Variants in SCAPER observed in about 807,000 individuals in gnomAD.
The protein encoded by SCAPER is S phase cyclin A-associated protein in the endoplasmic reticulum.
SCAPER carries 98 observed loss-of-function variants against 182.2 expected under a neutral mutation model. The observed-to-expected ratio is 0.54, with a 90% CI of 0.46 to 0.64. SCAPER has a LOEUF of 0.64. SCAPER is among the 30% of genes least tolerant of loss of function. The pLI, the probability that SCAPER is intolerant of heterozygous loss-of-function variation, is 0.00. For missense variants in SCAPER, 1,432 were observed against 1,690.0 expected (o/e 0.85, Z 2.68); for synonymous variants, 605 against 564.6 (o/e 1.07, Z -1.01).
intron 17 of SCAPER, among the ~76,000 whole-genome samples, chr15:76,710,043 CAG>C (rs2059479764): frequency 6.6e-6 from 1 of 152,128 alleles, no homozygotes; most frequent in African/African-American, 2.4e-5. Context: ...CAAAAATCTA[CAG>C]CAAGTATCAC....
chr15:76,809,363 A>T (rs1347514791), intron 5 of SCAPER, among the ~76,000 whole-genome samples: 1 of 152,220 alleles, frequency 6.6e-6, no homozygotes, highest in Admixed American at 6.5e-5. Context: ...CGCCAAGGTC[A>T]GAAGGAGTAA....
At chr15:76,637,800 ATG>A (rs1597850561) in intron 21 of SCAPER, among the ~76,000 whole-genome samples, 9 of 127,872 alleles carry the variant, frequency 7.0e-5, no homozygotes, top group South Asian at 4.8e-4. Context: ...GTGTGTGTGT[ATG>A]TATATATATA....
intron 22 of SCAPER, among the ~76,000 whole-genome samples, chr15:76,607,561 C>A (rs574412095): frequency 6.6e-6 from 1 of 152,066 alleles, no homozygotes; most frequent in East Asian, 1.9e-4. Context: ...TGAATGGTGG[C>A]CTGCCTTGCT....
intron 17 of SCAPER, among the ~76,000 whole-genome samples, chr15:76,710,200 C>A (rs1459472420): frequency 6.6e-6 from 1 of 152,094 alleles, no homozygotes; most frequent in African/African-American, 2.4e-5. Flanking sequence ...TTAAAGGCAT[C>A]CACATTAGAA....
intron 22 of SCAPER, among the ~76,000 whole-genome samples, chr15:76,587,039 G>C (rs1385759150): frequency 6.6e-6 from 1 of 151,958 alleles, no homozygotes; most frequent in Admixed American, 6.6e-5. Context: ...AGCTAGGAGG[G>C]TTGTATCTTT....
chr15:76,841,927 G>A lies in SCAPER; in HGVS notation c.200C>T (p.Thr67Ile), dbSNP rs777324254. 6.2e-7 allele frequency: 1 copy of A among 1,608,712 alleles called. No individual in the cohort carries two copies. The highest frequency in any genetic ancestry group is 8.5e-7 in the Non-Finnish European group (1 of 1,178,132). The change falls in exon 5 of 32, where the codon ACT becomes ATT. Residue 67 changes from threonine to isoleucine, a missense_variant. Physicochemically the swap from Thr to Ile is moderately conservative, Grantham distance 89. Around this residue, in one of 5 missense-constraint regions of SCAPER, gnomAD observed 480 missense variants for 510.2 expected, o/e 0.94. Coordinates refer to ENST00000563290, the MANE Select transcript of SCAPER (RefSeq NM_020843.4). ...QGTHKTTKQS[T>I]AVDCKITSST... The stretch of plus-strand genomic sequence containing the variant: ...CGATGTTATTTTACAGTCCACTGCA[G>A]TACTCTGGTGAAGTAAAATAAAACA...
chr15:76,733,586 T>TG lies in SCAPER; in HGVS notation c.1867-203_1867-202insC, dbSNP rs1555561741. Among the ~76,000 whole-genome samples the TG allele has an allele frequency of 2.5e-4, 34 of 138,416 alleles. No individual in the cohort carries two copies. In the East Asian group the frequency reaches 6.6e-3, roughly 27 times the overall value. The allele number at this position is 138,416 out of a possible 152,430, so 90.8% of individuals were successfully genotyped here. ...CAATATGGTGAAACCCCATCTCTAC[T>TG]AAAAAAAAAAAAGAAAAAATAGCCA... On this transcript the variant is annotated intron_variant, in intron 15 of 31. Transcript: ENST00000563290.
chr15:76,470,144 C>T (rs920372656), intron 25 of SCAPER, among the ~76,000 whole-genome samples: 1 of 152,092 alleles, frequency 6.6e-6, no homozygotes, highest in Non-Finnish European at 1.5e-5. Context: ...TATCAAAATT[C>T]ATTTATTCAC....
At chr15:76,791,860 C>A (rs1037981774) in intron 8 of SCAPER, among the ~76,000 whole-genome samples, 1 of 151,886 alleles carries the variant, frequency 6.6e-6, no homozygotes, top group Non-Finnish European at 1.5e-5. Context: ...TAAAACACAT[C>A]AAACTTAATA....
At chr15:76,702,710 A>G (rs1197935168) in intron 19 of SCAPER, 140 bp downstream of exon 19, 3 of 927,788 alleles carry the variant, frequency 3.2e-6, no homozygotes, top group Non-Finnish European at 4.7e-6. Context: ...CAGTCTCCTA[A>G]AGTGCTGAAA....
intron 22 of SCAPER, among the ~76,000 whole-genome samples, chr15:76,615,528 CACACAAAT>C (rs2051392013): frequency 1.4e-5 from 2 of 138,936 alleles, no homozygotes; most frequent in South Asian, 2.3e-4. Flanking sequence ...CACACACACA[CACACAAAT>C]GAGGCCAGGC....
At chr15:76,624,820 C>T (rs2052419337) in intron 21 of SCAPER, among the ~76,000 whole-genome samples, 1 of 152,178 alleles carries the variant, frequency 6.6e-6, no homozygotes, top group Non-Finnish European at 1.5e-5. Flanking sequence ...GGCCTACAGG[C>T]AGCTTGCTCT....
chr15:76,359,514 TG>T (rs1288006118), intron 29 of SCAPER, among the ~76,000 whole-genome samples: 2 of 152,246 alleles, frequency 1.3e-5, no homozygotes. Flanking sequence ...CTTAACTTAC[TG>T]TGCATGTGTG....
At chr15:76,675,598 T>C (rs1262613747) in intron 20 of SCAPER, among the ~76,000 whole-genome samples, 1 of 152,198 alleles carries the variant, frequency 6.6e-6, no homozygotes, top group Admixed American at 6.5e-5. Flanking sequence ...GGTCAGGCTC[T>C]GCTTTCTGGA....
At chr15:76,678,318 CAT>C (rs991142293) in intron 20 of SCAPER, among the ~76,000 whole-genome samples, 3 of 152,018 alleles carry the variant, frequency 2.0e-5, no homozygotes, top group Non-Finnish European at 4.4e-5. Context: ...ACGGTTTTCA[CAT>C]GTCATTTGGA....
intron 22 of SCAPER, among the ~76,000 whole-genome samples, chr15:76,614,692 A>C (rs2051298344): frequency 6.6e-6 from 1 of 152,224 alleles, no homozygotes; most frequent in African/African-American, 2.4e-5. Flanking sequence ...ATAAACATTT[A>C]TATTTAACAA....
At chr15:76,408,953 T>G (rs2045069877) in intron 26 of SCAPER, among the ~76,000 whole-genome samples, 2 of 152,128 alleles carry the variant, frequency 1.3e-5, no homozygotes, top group South Asian at 2.1e-4. Context: ...TAAAAAGCAT[T>G]GTAAAGCCAA....
At chr15:76,805,959 C>T (rs2066131565) in intron 5 of SCAPER, among the ~76,000 whole-genome samples, 1 of 152,116 alleles carries the variant, frequency 6.6e-6, no homozygotes, top group Non-Finnish European at 1.5e-5. Flanking sequence ...CTATAAAGTT[C>T]TTTATATATT....
intron 18 of SCAPER, among the ~76,000 whole-genome samples, chr15:76,705,550 A>G (rs566257699): frequency 6.8e-6 from 1 of 146,506 alleles, no homozygotes; most frequent in Non-Finnish European, 1.5e-5. Context: ...AAGTATAATT[A>G]AAAAAAAAAA....
Sources: allele counts gnomAD v4.1 joint callset (sites outside exome capture counted in the v4.1 genomes callset), GRCh38; gene constraint gnomAD v4.1.1; regional missense constraint gnomAD v4.1.1; transcripts MANE v1.5; gene names NCBI Gene and HGNC (gene_info 2026-07-23, HGNC 2026-07-21).